The following EPHA7 variants were observed in gnomAD, a reference collection of about 807,000 sequenced individuals.
EPHA7 encodes ephrin type-A receptor 7.
EPHA7 carries 25 observed loss-of-function variants against 112.6 expected under a neutral mutation model. The observed-to-expected ratio is 0.22, with a 90% CI of 0.16 to 0.31. The LOEUF (loss-of-function observed/expected upper bound fraction) is 0.31, where lower values mean the gene tolerates loss of function less well. Among genes scored for constraint, EPHA7 ranks in the 10% least tolerant of loss-of-function variants. The pLI is 1.00. For synonymous variants in EPHA7, 437 were observed against 406.5 expected (o/e 1.07, Z -0.90); for missense variants, 962 against 1,212.6 (o/e 0.79, Z 3.07).
At chr6:93,244,045 T>A (rs1435804809) in intron 16 of EPHA7, among the ~76,000 whole-genome samples, 1 of 152,170 alleles carries the variant, frequency 6.6e-6, no homozygotes, top group South Asian at 2.1e-4. Flanking sequence ...GTTATCTACT[T>A]ATTTCAGTGA....
Position 93,361,121 on chromosome 6 carries a change from G to A in EPHA7, c.833-2710C>T, listed in dbSNP as rs1776240186. 2.0e-5 allele frequency among the ~76,000 whole-genome samples: 3 copies of A among 152,082 alleles called. No individual in the cohort carries two copies. The South Asian group carries it at 6.2e-4, about 32-fold the overall frequency. On this transcript the variant is annotated intron_variant, in intron 3 of 16. Coordinates refer to ENST00000369303, the MANE Select transcript of EPHA7 (RefSeq NM_004440.4). ...ATGAATTTTGACACTGATGATACCT[G>A]CACAATTATGGAATATATGTATGAC... is the stretch of plus-strand genomic sequence containing the variant.
intron 5 of EPHA7, among the ~76,000 whole-genome samples, chr6:93,336,537 G>T (rs1183415614): frequency 6.6e-6 from 1 of 152,016 alleles, no homozygotes; most frequent in South Asian, 2.1e-4. Flanking sequence ...CGAGTAGCTG[G>T]GACTACAGGC....
intron 3 of EPHA7, among the ~76,000 whole-genome samples, chr6:93,369,127 T>TA (rs1291851320): frequency 6.7e-6 from 1 of 148,544 alleles, no homozygotes; most frequent in Non-Finnish European, 1.5e-5. Context: ...CCTTTCTTTT[T>TA]TAAAAAAAAG....
Position 93,302,883 on chromosome 6 carries a change from C to T in EPHA7, c.1325-30461G>A, listed in dbSNP as rs530551228. ...AGCACAGAAAAAAGGGAGAAATACTCGCCTTTTTGCCTTCTTATGCCTTCC... is the reference window on the plus strand; with the variant it reads ...AGCACAGAAAAAAGGGAGAAATACTTGCCTTTTTGCCTTCTTATGCCTTCC... On this transcript the variant is annotated intron_variant, in intron 5 of 16. Coordinates refer to ENST00000369303, the MANE Select transcript of EPHA7 (RefSeq NM_004440.4). 1.6e-4 allele frequency among the ~76,000 whole-genome samples: 25 copies of T among 152,180 alleles called. No homozygotes were observed. The East Asian group carries it at 3.7e-3, about 22-fold the overall frequency.
Position 93,419,300 on chromosome 6 carries a change from G to A in EPHA7, c.42C>T (p.Cys14=). 6.2e-7 allele frequency: 1 copy of A among 1,614,176 alleles called. No homozygotes were observed. The highest frequency in any genetic ancestry group is 8.5e-7 in the Non-Finnish European group (1 of 1,180,010). ...GTGCAAAGCGGAGCAGCCAGATGTA[G>A]CATAAAATAATCCATGAAGGGTACC... The part of the protein sequence containing the change: ...QTRYPSWIIL[C]YIWLLRFAHT... The change falls in exon 1 of 17, where the codon TGC becomes TGT. Residue 14 remains cysteine (C), a synonymous_variant. Transcript: ENST00000369303.
At chr6:93,404,930 G>A (rs1199153175) in intron 3 of EPHA7, among the ~76,000 whole-genome samples, 1 of 151,690 alleles carries the variant, frequency 6.6e-6, no homozygotes, top group Non-Finnish European at 1.5e-5. Flanking sequence ...TACTGCTATA[G>A]TACCTGAGCC....
chr6:93,387,572 C>T (rs923798280), intron 3 of EPHA7, among the ~76,000 whole-genome samples: 1 of 152,102 alleles, frequency 6.6e-6, no homozygotes, highest in African/African-American at 2.4e-5. Context: ...TGTTTTCACA[C>T]TGCTATGAAG....
chr6:93,330,084 G>A (rs1224109334), intron 5 of EPHA7, among the ~76,000 whole-genome samples: 1 of 151,238 alleles, frequency 6.6e-6, no homozygotes, highest in Non-Finnish European at 1.5e-5. Context: ...GTTATACAAT[G>A]TCAAACATAG....
chr6:93,418,843 C>T (rs975726304), intron 1 of EPHA7, among the ~76,000 whole-genome samples: 1 of 152,202 alleles, frequency 6.6e-6, no homozygotes, highest in African/African-American at 2.4e-5. Context: ...TCCAACCCAA[C>T]TCTGGCCGCA....
At chr6:93,413,577 G>C (rs1489568495) in intron 2 of EPHA7, among the ~76,000 whole-genome samples, 3 of 151,752 alleles carry the variant, frequency 2.0e-5, no homozygotes, top group Admixed American at 2.0e-4. Context: ...CTCAAGAAAG[G>C]TGTTATATTC....
chr6:93,352,544 T>C (rs1001530732), intron 5 of EPHA7, among the ~76,000 whole-genome samples: 1 of 152,124 alleles, frequency 6.6e-6, no homozygotes, highest in Non-Finnish European at 1.5e-5. Context: ...CAGAGTTTTG[T>C]ATTTTGTTCC....
chr6:93,335,766 C>T (rs1249031746), intron 5 of EPHA7, among the ~76,000 whole-genome samples: 1 of 151,524 alleles, frequency 6.6e-6, no homozygotes, highest in East Asian at 1.9e-4. Context: ...GTATGAGTAA[C>T]AATAAATTAC....
intron 5 of EPHA7, among the ~76,000 whole-genome samples, chr6:93,335,557 A>G (rs1242963937): frequency 6.6e-6 from 1 of 152,120 alleles, no homozygotes; most frequent in Non-Finnish European, 1.5e-5. Flanking sequence ...AAGGGAGACC[A>G]CCAGCAAAGA....
chr6:93,263,021 T>G (rs1770761136), intron 9 of EPHA7, among the ~76,000 whole-genome samples: 1 of 151,436 alleles, frequency 6.6e-6, no homozygotes, highest in South Asian at 2.1e-4. Flanking sequence ...TATCTACACA[T>G]GAGAACATTT....
intron 3 of EPHA7, among the ~76,000 whole-genome samples, chr6:93,386,668 C>T (rs1372990591): frequency 6.6e-6 from 1 of 152,162 alleles, no homozygotes. Context: ...ACTACCCTAG[C>T]AGAGGTTCTC....
intron 5 of EPHA7, among the ~76,000 whole-genome samples, chr6:93,351,696 T>A (rs532562474): frequency 3.9e-5 from 6 of 152,104 alleles, no homozygotes; most frequent in African/African-American, 1.4e-4. Flanking sequence ...CCGTTGCCTA[T>A]GGGGAAAATA....
intron 5 of EPHA7, among the ~76,000 whole-genome samples, chr6:93,326,149 A>C (rs889763651): frequency 6.6e-6 from 1 of 151,428 alleles, no homozygotes; most frequent in Non-Finnish European, 1.5e-5. Context: ...TGCCGTGGTA[A>C]TAGTGGGAAG....
At chr6:93,326,477 G>A (rs1774326723) in intron 5 of EPHA7, among the ~76,000 whole-genome samples, 1 of 151,406 alleles carries the variant, frequency 6.6e-6, no homozygotes, top group Non-Finnish European at 1.5e-5. Context: ...TAGGAGAAAG[G>A]CTGACTAGAA....
intron 5 of EPHA7, among the ~76,000 whole-genome samples, chr6:93,298,879 T>A (rs1228057851): frequency 1.3e-5 from 2 of 152,180 alleles, no homozygotes; most frequent in Admixed American, 1.3e-4. Context: ...TAACTGTGTT[T>A]ATTTGGATCT....
Sources: allele counts gnomAD v4.1 joint callset (sites outside exome capture counted in the v4.1 genomes callset), GRCh38; gene constraint gnomAD v4.1.1; transcripts MANE v1.5; gene names NCBI Gene and HGNC (gene_info 2026-07-23, HGNC 2026-07-21).